The following TBC1D14 variants were observed in gnomAD, a reference collection of about 807,000 sequenced individuals.
The protein encoded by TBC1D14 is TBC1 domain family member 14.
A neutral mutation model predicts 79.0 loss-of-function variants in TBC1D14; 26 were observed. The observed-to-expected ratio is 0.33, with a 90% CI of 0.24 to 0.46. TBC1D14 has a LOEUF of 0.46. TBC1D14 is among the 20% of genes least tolerant of loss of function. TBC1D14 has a pLI of 1.00. For synonymous variants in TBC1D14, 394 were observed against 349.9 expected, an observed-to-expected ratio of 1.13 and a Z score of -1.40; for missense variants, 769 against 887.6, an observed-to-expected ratio of 0.87 and a Z score of 1.70.
chr4:6,936,950 T>C (rs918843086), intron 2 of TBC1D14, among the ~76,000 whole-genome samples: 5 of 152,210 alleles, frequency 3.3e-5, no homozygotes, highest in Non-Finnish European at 7.4e-5. Context: ...AGAGTTTTGC[T>C]CTTGTTTCCC....
chr4:6,990,028 A>G (rs1718326166), intron 3 of TBC1D14, among the ~76,000 whole-genome samples: 1 of 152,260 alleles, frequency 6.6e-6, no homozygotes, highest in Non-Finnish European at 1.5e-5. Flanking sequence ...TTGTACTGAC[A>G]TAACTAAGTG....
chr4:7,020,147 G>C (rs1721688435), intron 12 of TBC1D14, among the ~76,000 whole-genome samples: 1 of 151,858 alleles, frequency 6.6e-6, no homozygotes, highest in Non-Finnish European at 1.5e-5. Context: ...AGGTTGGGGA[G>C]GACTCTGGGG....
At chr4:6,939,067 C>T (rs1712629271) in intron 2 of TBC1D14, among the ~76,000 whole-genome samples, 1 of 152,224 alleles carries the variant, frequency 6.6e-6, no homozygotes, top group African/African-American at 2.4e-5. Context: ...CCGGTGGCCT[C>T]TTCCTCATCA....
intron 1 of TBC1D14, among the ~76,000 whole-genome samples, chr4:6,912,851 C>G (rs1178373090): frequency 1.3e-5 from 2 of 152,172 alleles, no homozygotes; most frequent in African/African-American, 4.8e-5. Context: ...AACCAAGGCT[C>G]GGGGAAGTTA....
chr4:6,944,760 A>G (rs1164896262), intron 2 of TBC1D14, among the ~76,000 whole-genome samples: 6 of 152,204 alleles, frequency 3.9e-5, no homozygotes, highest in Non-Finnish European at 7.3e-5. Flanking sequence ...TCATCCCTGC[A>G]CTGGTTCCAC....
intron 2 of TBC1D14, among the ~76,000 whole-genome samples, chr4:6,943,747 T>G (rs968820634): frequency 2.0e-5 from 3 of 152,190 alleles, no homozygotes; most frequent in Non-Finnish European, 4.4e-5. Flanking sequence ...CTTGAGCTTC[T>G]GGAGAGCTGG....
At chr4:6,926,094 G>A (rs981710943) in intron 2 of TBC1D14, among the ~76,000 whole-genome samples, 4 of 152,188 alleles carry the variant, frequency 2.6e-5, no homozygotes, top group African/African-American at 9.7e-5. Flanking sequence ...AGAACCGTGC[G>A]CGGAGGAGCG....
At chr4:6,978,860 C>T (rs1259254988) in intron 3 of TBC1D14, among the ~76,000 whole-genome samples, 2 of 142,530 alleles carry the variant, frequency 1.4e-5, no homozygotes, top group East Asian at 2.1e-4. Context: ...ATTTGGGGAA[C>T]GTTTTCAAAT....
At position 6,923,817 on chromosome 4, in the gene TBC1D14, C is replaced by T. The variant is rs747713715; in HGVS notation, c.428C>T (p.Pro143Leu). 60 of 1,614,048 alleles carry T rather than the reference C, an allele frequency of 3.7e-5. 1 individual carries two copies. The South Asian group carries it at 5.2e-4, about 14-fold the overall frequency. The part of the protein sequence containing the change: ...TGYDSVKLYS[P>L]TSKALTRSDD... ...TATGACTCGGTAAAGCTCTATAGCC[C>T]GACCTCCAAAGCCCTGACCCGCAGC... Residue 143 changes from proline (P) to leucine (L), a missense_variant, in exon 2 of 14, where the codon CCG becomes CTG. Coordinates refer to ENST00000409757, the MANE Select transcript of TBC1D14 (RefSeq NM_020773.3).
chr4:7,005,380 G>GA (rs1264217613), intron 8 of TBC1D14, among the ~76,000 whole-genome samples: 1 of 152,122 alleles, frequency 6.6e-6, no homozygotes, highest in East Asian at 1.9e-4. Context: ...ACTAAAAATA[G>GA]AAAAATTAGC....
At chr4:6,977,055 C>T (rs1252065161) in intron 3 of TBC1D14, among the ~76,000 whole-genome samples, 1 of 26,588 alleles carries the variant, frequency 3.8e-5, no homozygotes, top group Non-Finnish European at 1.1e-4. Flanking sequence ...CCCTCCTCTC[C>T]CTCTCCCTCC....
intron 3 of TBC1D14, among the ~76,000 whole-genome samples, chr4:6,986,408 C>A (rs1717828598): frequency 6.6e-6 from 1 of 152,222 alleles, no homozygotes; most frequent in Non-Finnish European, 1.5e-5. Context: ...ACACTCCTAC[C>A]AAGGATTTAG....
At chr4:6,975,057 G>T (rs187113058) in intron 3 of TBC1D14, among the ~76,000 whole-genome samples, 1 of 151,524 alleles carries the variant, frequency 6.6e-6, no homozygotes, top group African/African-American at 2.4e-5. Flanking sequence ...GATTACAGGC[G>T]CCCGTCACCA....
chr4:7,019,430 G>C (rs1007113488), intron 12 of TBC1D14, among the ~76,000 whole-genome samples: 6 of 152,182 alleles, frequency 3.9e-5, no homozygotes, highest in Non-Finnish European at 8.8e-5. Context: ...CTGGGGTACA[G>C]GTTGCCCCAC....
At chr4:6,985,084 T>G (rs1717703384) in intron 3 of TBC1D14, among the ~76,000 whole-genome samples, 1 of 152,250 alleles carries the variant, frequency 6.6e-6, no homozygotes, top group Non-Finnish European at 1.5e-5. Context: ...TTTGCCATAT[T>G]TACTTTATTG....
intron 3 of TBC1D14, among the ~76,000 whole-genome samples, chr4:6,981,773 C>T (rs1417332579): frequency 6.6e-6 from 1 of 152,172 alleles, no homozygotes; most frequent in Non-Finnish European, 1.5e-5. Flanking sequence ...GAAAACCACA[C>T]GATCCTATCA....
chr4:7,005,904 C>A (rs1029725590), intron 8 of TBC1D14, among the ~76,000 whole-genome samples: 2 of 152,122 alleles, frequency 1.3e-5, no homozygotes, highest in African/African-American at 4.8e-5. Context: ...CTAGATTATG[C>A]CTTTAGAATT....
chr4:6,919,346 A>G (rs1723652528), intron 1 of TBC1D14, among the ~76,000 whole-genome samples: 1 of 151,914 alleles, frequency 6.6e-6, no homozygotes, highest in Non-Finnish European at 1.5e-5. Flanking sequence ...GGGTTTCACC[A>G]TGTTGGTCAG....
rs547945335 is a variant in TBC1D14, at chr4:6,999,119, G to A, written c.1080G>A (p.Leu360=). Residue 360 remains leucine (L), a synonymous_variant, in exon 6 of 14, where the codon CTG becomes CTA. Transcript: ENST00000409757. ...AAGCCCAGCGAAGGAAGAAGCAGCTGGAAGAAAGATGCAGAGTCGAGGAAA... is the reference window on the plus strand; with the variant it reads ...AAGCCCAGCGAAGGAAGAAGCAGCTAGAAGAAAGATGCAGAGTCGAGGAAA... ...LKEAQRRKKQ[L]EERCRVEESI... is the part of the protein sequence containing the mutation. 1.3e-5 allele frequency: 21 copies of A among 1,614,138 alleles called. No homozygotes were observed. The highest frequency in any genetic ancestry group is 3.3e-5 in the Admixed American group (2 of 60,014).
Sources: allele counts gnomAD v4.1 joint callset (sites outside exome capture counted in the v4.1 genomes callset), GRCh38; gene constraint gnomAD v4.1.1; transcripts MANE v1.5; gene names NCBI Gene and HGNC (gene_info 2026-07-23, HGNC 2026-07-21).